Variants in PSMG2 observed in about 807,000 individuals in gnomAD.
The protein encoded by PSMG2 is proteasome assembly chaperone 2, also known as CD40 ligand-activated specific transcript 3.
In PSMG2, 21 loss-of-function variants were observed where a neutral mutation model predicts 31.5. That is an observed-to-expected ratio of 0.67 (90% confidence interval 0.47 to 0.96). The LOEUF (loss-of-function observed/expected upper bound fraction) is 0.96, where lower values mean the gene tolerates loss of function less well. Ranked by LOEUF, PSMG2 falls within the 40% of genes least tolerant of loss-of-function variation. PSMG2 has a pLI of 0.00. For missense variants in PSMG2, 318 were observed against 321.2 expected, an observed-to-expected ratio of 0.99 and a Z score of 0.08; for synonymous variants, 120 against 110.4, an observed-to-expected ratio of 1.09 and a Z score of -0.54.
At chr18:12,720,488 T>G in intron 4 of PSMG2, 22 bp from the exon 5 acceptor site, 1 of 1,535,316 alleles carries the variant, frequency 6.5e-7, no homozygotes, top group South Asian at 1.3e-5. Context: ...TTTTAAAAAG[T>G]TAACTATATG....
At chr18:12,725,402 A>G (rs77316096) in intron 6 of PSMG2, 37 bp from the exon 7 acceptor site, 7 of 1,460,740 alleles carry the variant, frequency 4.8e-6, no homozygotes, top group Non-Finnish European at 5.7e-6. Flanking sequence ...TTGATGGTAA[A>G]GTTTAAAGAT....
At chr18:12,677,738 C>T (rs1277375323) in intron 1 of PSMG2, among the ~76,000 whole-genome samples, 1 of 152,118 alleles carries the variant, frequency 6.6e-6, no homozygotes, top group Non-Finnish European at 1.5e-5. Flanking sequence ...GGGTTATAGG[C>T]ATGAGCCATC....
intron 5 of PSMG2, among the ~76,000 whole-genome samples, chr18:12,723,789 A>G (rs1221573669): frequency 6.6e-6 from 1 of 151,888 alleles, no homozygotes; most frequent in Non-Finnish European, 1.5e-5. Flanking sequence ...TGCCTCCACT[A>G]CCTCCTTTCA....
intron 1 of PSMG2, chr18:12,697,290 C>A: frequency 6.2e-6 from 10 of 1,613,994 alleles, no homozygotes; most frequent in Non-Finnish European, 8.5e-6. Flanking sequence ...ATCGCCATTC[C>A]AGAAAATATG....
chr18:12,674,397 G>A (rs2039045951), intron 1 of PSMG2: 3 of 624,180 alleles, frequency 4.8e-6, no homozygotes, highest in South Asian at 4.4e-5. Flanking sequence ...AGCCATAACT[G>A]TGCCACTGTA....
intron 1 of PSMG2, among the ~76,000 whole-genome samples, chr18:12,672,402 C>T (rs1468943774): frequency 2.0e-5 from 3 of 152,174 alleles, no homozygotes; most frequent in Non-Finnish European, 4.4e-5. Context: ...AGGCATAAAC[C>T]ACTACGCCGA....
intron 3 of PSMG2, among the ~76,000 whole-genome samples, 168 bp from the exon 4 acceptor site, chr18:12,718,349 T>C (rs2040398022): frequency 6.6e-6 from 1 of 152,250 alleles, no homozygotes; most frequent in African/African-American, 2.4e-5. Context: ...CATTGCTCTT[T>C]ATCATTCACT....
intron 1 of PSMG2, among the ~76,000 whole-genome samples, chr18:12,675,473 A>G (rs1021898619): frequency 2.6e-5 from 4 of 152,150 alleles, no homozygotes; most frequent in Non-Finnish European, 5.9e-5. Context: ...GACTCTTCCT[A>G]CCATAAACTC....
Position 12,706,680 on chromosome 18 carries a change from C to T in PSMG2, c.188C>T (p.Thr63Ile). The change falls in exon 2 of 7, where the codon ACC (threonine) becomes ATC (isoleucine). Residue 63 changes from threonine (T) to isoleucine (I), a missense_variant. Coordinates refer to ENST00000317615, the MANE Select transcript of PSMG2 (RefSeq NM_020232.5). ...ATGGTTGGAAACAATCCATATGCGACCACAGAAGGAAATTCAACAGAACTT... is the reference window on the plus strand; with the variant it reads ...ATGGTTGGAAACAATCCATATGCGATCACAGAAGGAAATTCAACAGAACTT... ...VPMVGNNPYATTEGNSTELSI... is the reference protein window; with the variant it reads ...VPMVGNNPYAITEGNSTELSI... 1 of 1,610,886 alleles carries T rather than the reference C, an allele frequency of 6.2e-7. No individual in the cohort carries two copies. Among genetic ancestry groups the T allele is most frequent in the Non-Finnish European group, 8.5e-7 (1 of 1,177,714 alleles).
chr18:12,668,685 AAAG>A (rs947048179), intron 1 of PSMG2, among the ~76,000 whole-genome samples: 1 of 150,868 alleles, frequency 6.6e-6, no homozygotes, highest in African/African-American at 2.4e-5. Flanking sequence ...TGGATTAAAA[AAAG>A]AAGATTCAAC....
At chr18:12,670,637 T>C (rs1041718703) in intron 1 of PSMG2, 1 of 150,766 alleles carries the variant, frequency 6.6e-6, no homozygotes, top group African/African-American at 2.4e-5. Flanking sequence ...TTTGTAATTT[T>C]GGCAAAAGAG....
chr18:12,664,421 G>A (rs1021064573), intron 1 of PSMG2, among the ~76,000 whole-genome samples: 9 of 151,068 alleles, frequency 6.0e-5, no homozygotes, highest in Admixed American at 5.3e-4. Flanking sequence ...ATGGTGGCAT[G>A]TGCCTGTAGT....
At chr18:12,667,417 A>G (rs571923505) in intron 1 of PSMG2, among the ~76,000 whole-genome samples, 1 of 152,206 alleles carries the variant, frequency 6.6e-6, no homozygotes, top group South Asian at 2.1e-4. Context: ...TGATCACACC[A>G]CTGCACTCTA....
chr18:12,673,075 T>C, intron 1 of PSMG2: 2 of 1,010,516 alleles, frequency 2.0e-6, no homozygotes, highest in Non-Finnish European at 2.4e-6. Flanking sequence ...ATGCATTTTA[T>C]ATTAATATTT....
intron 1 of PSMG2, among the ~76,000 whole-genome samples, chr18:12,674,263 C>T (rs1297142184): frequency 6.6e-6 from 1 of 151,742 alleles, no homozygotes; most frequent in Non-Finnish European, 1.5e-5. Flanking sequence ...ATAGGAAGAC[C>T]CCCATCTCTA....
chr18:12,702,662 T>G (rs1324207837), upstream of PSMG2: 3 of 1,245,474 alleles, frequency 2.4e-6, no homozygotes, highest in Non-Finnish European at 3.3e-6. Context: ...GCCGCAGCCG[T>G]TCGCCTAGCG....
chr18:12,662,004 C>G (rs2038701349), intron 1 of PSMG2: 1 of 249,184 alleles, frequency 4.0e-6, no homozygotes, highest in Admixed American at 5.1e-5. Context: ...GAATCCTTGA[C>G]TTTTTTTATA....
rs752216074 is a variant in PSMG2, at chr18:12,668,597, C to CAAAAAAAAAA, written c.-37+9847_-37+9856dup. ...TGGGAGACAGAGTAAGATTCCATCT[C>CAAAAAAAAAA]AAAAAAAAAAAAAAAAAAAAAAAAA... On this transcript the variant is annotated intron_variant, in intron 1 of 6. Coordinates refer to the PSMG2 transcript ENST00000585331. 5.7e-3 allele frequency among the ~76,000 whole-genome samples: 415 copies of CAAAAAAAAAA among 72,766 alleles called. 16 individuals carry two copies. Among genetic ancestry groups the CAAAAAAAAAA allele is most frequent in the Non-Finnish European group, 7.5e-3 (311 of 41,380 alleles). The allele number at this position is 72,766 out of a possible 152,430, so 47.7% of individuals were successfully genotyped here. A position where few individuals can be genotyped will look rare whatever the true frequency, so the allele number is the denominator to read the frequency against.
chr18:12,685,227 T>G (rs1451225166), intron 1 of PSMG2: 1 of 151,530 alleles, frequency 6.6e-6, no homozygotes, highest in Non-Finnish European at 1.5e-5. Context: ...CTTGAACTCC[T>G]GACCTCAGGT....
Sources: gnomAD v4.1 joint callset for allele counts (sites outside exome capture counted in the v4.1 genomes callset) on GRCh38, gnomAD v4.1.1 for gene constraint, MANE v1.5 for transcripts, NCBI Gene and HGNC (gene_info 2026-07-23, HGNC 2026-07-21) for gene names.